DUSP16: variants seen among roughly 807,000 people sequenced by gnomAD.
DUSP16 encodes the protein dual specificity phosphatase 16.
DUSP16 carries 21 observed loss-of-function variants against 58.3 expected under a neutral mutation model. The ratio of observed to expected loss-of-function variants is 0.36; its 90% CI spans 0.26 to 0.52. The LOEUF is 0.52. Ranked by LOEUF, DUSP16 falls within the 20% of genes least tolerant of loss-of-function variation. The pLI is 0.94. For missense variants in DUSP16, 726 were observed against 819.0 expected, an observed-to-expected ratio of 0.89 and a Z score of 1.39; for synonymous variants, 320 against 323.8, an observed-to-expected ratio of 0.99 and a Z score of 0.12.
intron 1 of DUSP16, among the ~76,000 whole-genome samples, chr12:12,555,034 C>A (rs1443237058): frequency 6.6e-6 from 1 of 152,170 alleles, no homozygotes; most frequent in African/African-American, 2.4e-5. Flanking sequence ...AACCAAGCAA[C>A]AACAACAAAT....
At chr12:12,519,788 G>A (rs1188870098) in intron 3 of DUSP16, 74 bp downstream of exon 3, 2 of 1,497,608 alleles carry the variant, frequency 1.3e-6, no homozygotes, top group African/African-American at 2.8e-5. Flanking sequence ...ATTGTACTGA[G>A]TTCACAGTGA....
intron 5 of DUSP16, among the ~76,000 whole-genome samples, chr12:12,481,402 G>A (rs146305647): frequency 6.6e-6 from 1 of 152,250 alleles, no homozygotes; most frequent in African/African-American, 2.4e-5. Context: ...AATTACATGT[G>A]TGCTCAGTCA....
intron 5 of DUSP16, among the ~76,000 whole-genome samples, chr12:12,485,786 C>CTTT (rs749939375): frequency 3.1e-4 from 33 of 107,676 alleles, no homozygotes; most frequent in Non-Finnish European, 3.4e-4. Context: ...GCCAATTCCA[C>CTTT]TTTTTTTTTT....
At chr12:12,495,970 T>C (rs1367907535) in intron 4 of DUSP16, among the ~76,000 whole-genome samples, 1 of 152,238 alleles carries the variant, frequency 6.6e-6, no homozygotes. Context: ...GAATGTTACA[T>C]GAACACCAGG....
chr12:12,513,611 G>A (rs1944108027), intron 3 of DUSP16, among the ~76,000 whole-genome samples: 1 of 152,126 alleles, frequency 6.6e-6, no homozygotes, highest in African/African-American at 2.4e-5. Context: ...GTTTTCTCCC[G>A]CAATCGCTGT....
chr12:12,561,001 T>C (rs1944893271), intron 1 of DUSP16: 1 of 129,082 alleles, frequency 7.7e-6, no homozygotes, highest in Non-Finnish European at 1.7e-5. Flanking sequence ...GAAACATACC[T>C]GGTTTATTTT....
chr12:12,543,777 A>G (rs374956446), intron 1 of DUSP16, among the ~76,000 whole-genome samples: 1 of 152,132 alleles, frequency 6.6e-6, no homozygotes, highest in South Asian at 2.1e-4. Context: ...ACCAATAAAA[A>G]ACTCAAGAAG....
chr12:12,484,291 A>G (rs1783422721), intron 5 of DUSP16, among the ~76,000 whole-genome samples: 1 of 152,248 alleles, frequency 6.6e-6, no homozygotes, highest in Non-Finnish European at 1.5e-5. Context: ...AAGTATTTGC[A>G]GATATTACAA....
rs913437254 is a variant in DUSP16 at position 12,521,005 on chromosome 12, G to A, written c.94C>T (p.Arg32Trp). The A allele has an allele frequency of 3.1e-6, 5 of 1,614,058 alleles. No homozygotes were observed. Among genetic ancestry groups the A allele is most frequent in the Admixed American group, 1.7e-5 (1 of 59,992 alleles). The change falls in exon 2 of 7, where the codon CGG becomes TGG. Residue 32 changes from arginine to tryptophan, a missense_variant. By Grantham distance (101) the Arg-to-Trp change is moderately radical (BLOSUM62 -3). Transcript: ENST00000298573. ...GTEKVLLIDSRPFVEYNTSHI... is the reference protein window; with the variant it reads ...GTEKVLLIDSWPFVEYNTSHI... The stretch of plus-strand genomic sequence containing the variant: ...GATGTATTGTATTCCACAAATGGCC[G>A]GCTATCAATTAGCAGCACTTTTTCC...
At position 12,521,075 on chromosome 12, in the gene DUSP16, A is replaced by C; in HGVS notation, c.24T>G (p.Thr8=). Residue 8 remains threonine (T), a synonymous_variant, in exon 2 of 7, where the codon ACT becomes ACG. Transcript: ENST00000298573. ...CCACCAACCTCTCAGTAACAATTTG[A>C]GTTCCAATCATCTCATGGGCCATGA... MAHEMIG[T]QIVTERLVAL... The C allele has an allele frequency of 6.2e-7, 1 of 1,614,124 alleles. No individual in the cohort carries two copies. Among genetic ancestry groups the C allele is most frequent in the Non-Finnish European group, 8.5e-7 (1 of 1,180,020 alleles).
chr12:12,506,353 C>G (rs1943997009), intron 3 of DUSP16, among the ~76,000 whole-genome samples: 1 of 152,218 alleles, frequency 6.6e-6, no homozygotes, highest in Non-Finnish European at 1.5e-5. Context: ...CTTATCTGCC[C>G]TTATCATAAC....
intron 4 of DUSP16, chr12:12,491,662 G>A (rs943857507): frequency 3.3e-5 from 5 of 152,098 alleles, no homozygotes; most frequent in African/African-American, 9.7e-5. Context: ...ACTTTCTACT[G>A]ATTAGATAAT....
intron 1 of DUSP16, among the ~76,000 whole-genome samples, chr12:12,522,442 T>C (rs1472613048): frequency 6.6e-6 from 1 of 152,202 alleles, no homozygotes; most frequent in Non-Finnish European, 1.5e-5. Context: ...GCTTATTGCT[T>C]GGACTTCACC....
In DUSP16 at chr12:12,551,972, G is replaced by A. The variant is rs547681673; in HGVS notation, c.-366+10145C>T. ...CTCCCAAAGTGCTGGGATTACAGGC[G>A]TAAGCCACTGTGCCCAGTCAGCTTA... On this transcript the variant is annotated intron_variant, in intron 1 of 6. Coordinates refer to ENST00000298573, the MANE Select transcript of DUSP16 (RefSeq NM_030640.3). Among the ~76,000 whole-genome samples, 7 of 152,234 alleles carry A rather than the reference G, an allele frequency of 4.6e-5. No individual in the cohort carries two copies. In the East Asian group the frequency reaches 9.7e-4, roughly 21 times the overall value.
intron 3 of DUSP16, among the ~76,000 whole-genome samples, chr12:12,505,033 C>T (rs777066056): frequency 1.3e-5 from 2 of 152,184 alleles, no homozygotes; most frequent in Non-Finnish European, 2.9e-5. Context: ...GTACTGAACA[C>T]TTACTGCGTG....
At chr12:12,503,539 T>C (rs954470799) in intron 3 of DUSP16, among the ~76,000 whole-genome samples, 1 of 152,138 alleles carries the variant, frequency 6.6e-6, no homozygotes, top group African/African-American at 2.4e-5. Flanking sequence ...CTGTGGGGCC[T>C]TCCTCCACCT....
At chr12:12,549,758 G>A (rs1944698343) in intron 1 of DUSP16, among the ~76,000 whole-genome samples, 1 of 142,084 alleles carries the variant, frequency 7.0e-6, no homozygotes, top group Non-Finnish European at 1.5e-5. Context: ...TATATATGTG[G>A]CCACAGTGCT....
chr12:12,557,272 G>A (rs1592217662), intron 1 of DUSP16, among the ~76,000 whole-genome samples: 1 of 152,132 alleles, frequency 6.6e-6, no homozygotes, highest in East Asian at 1.9e-4. Flanking sequence ...TGGCCAACGT[G>A]GTGAAACCCC....
At chr12:12,515,433 T>C (rs1944134272) in intron 3 of DUSP16, among the ~76,000 whole-genome samples, 1 of 151,876 alleles carries the variant, frequency 6.6e-6, no homozygotes. Context: ...ATTCAAGCAA[T>C]TCTCCTGCCT....
Sources: allele counts gnomAD v4.1 joint callset (sites outside exome capture counted in the v4.1 genomes callset), GRCh38; gene constraint gnomAD v4.1.1; transcripts MANE v1.5; gene names NCBI Gene and HGNC (gene_info 2026-07-23, HGNC 2026-07-21).